Variants in CDHR3 observed in about 807,000 individuals in gnomAD.
CDHR3 encodes cadherin-related family member 3.
Under a neutral mutation model 86.6 loss-of-function variants are expected in CDHR3, and 79 were observed. The observed-to-expected ratio is 0.91, with a 90% confidence interval of 0.76 to 1.10. The LOEUF is 1.10. CDHR3 is among the 50% of genes least tolerant of loss of function. CDHR3 has a pLI of 0.00. For missense variants in CDHR3, 1,081 were observed against 1,077.6 expected, an observed-to-expected ratio of 1.00 and a Z score of -0.04; for synonymous variants, 421 against 402.4, an observed-to-expected ratio of 1.05 and a Z score of -0.55.
At chr7:105,986,362 T>C (rs762341596) in intron 4 of CDHR3, among the ~76,000 whole-genome samples, 4 of 152,146 alleles carry the variant, frequency 2.6e-5, no homozygotes, top group Non-Finnish European at 5.9e-5. Context: ...TATTAGATAC[T>C]TTGGAAACAG....
At position 105,984,284 on chromosome 7, in the gene CDHR3, C is replaced by T. The variant is rs1830211432; in HGVS notation, c.508C>T (p.Leu170Phe). The change falls in exon 4 of 19, where the codon CTC becomes TTC. Residue 170 changes from leucine (L) to phenylalanine (F), a missense_variant. Coordinates refer to ENST00000317716, the MANE Select transcript of CDHR3 (RefSeq NM_152750.5). ...DPEDTSRNIP[L>F]SYFLISPPKS... is the part of the protein sequence containing the mutation. The stretch of plus-strand genomic sequence containing the variant: ...AGAAGACACAAGCCGAAACATTCCC[C>T]TCAGTGTAAGTGTCCTTATATGGAA... The T allele has an allele frequency of 6.2e-7, 1 of 1,609,490 alleles. No individual in the cohort carries two copies. Among genetic ancestry groups the T allele is most frequent in the Admixed American group, 1.7e-5 (1 of 59,806 alleles).
intron 12 of CDHR3, among the ~76,000 whole-genome samples, chr7:106,019,389 T>C (rs1836188041): frequency 1.1e-5 from 1 of 88,976 alleles, no homozygotes; most frequent in African/African-American, 4.9e-5. Context: ...TGTTAGGCTG[T>C]TTTTTTTTTT....
intron 1 of CDHR3, among the ~76,000 whole-genome samples, chr7:105,973,716 C>T (rs1828331608): frequency 6.6e-6 from 1 of 152,190 alleles, no homozygotes; most frequent in South Asian, 2.1e-4. Flanking sequence ...CCTGTAATCC[C>T]AGTATTTTGG....
In CDHR3 at chr7:106,001,691, AC is replaced by A. The variant is rs1833206347; in HGVS notation, c.862+84del. 4.5e-6 allele frequency: 7 copies of A among 1,559,374 alleles called. No homozygotes were observed. The East Asian group carries it at 1.6e-4, about 35-fold the overall frequency. On this transcript the variant is annotated intron_variant, in intron 7 of 18. Coordinates refer to ENST00000317716, the MANE Select transcript of CDHR3 (RefSeq NM_152750.5). ...TCTTACAATGTAGTTGTCCCTCGTT[AC>A]CCATGAGAATTGGTTCTAGGATGCA... is the stretch of plus-strand genomic sequence containing the variant.
chr7:105,968,960 C>G (rs1041216099), intron 1 of CDHR3, among the ~76,000 whole-genome samples: 3 of 151,412 alleles, frequency 2.0e-5, no homozygotes, highest in African/African-American at 7.3e-5. Flanking sequence ...TGGTGGCGGG[C>G]ACCTGTAGTC....
chr7:105,979,123 A>G (rs1267254528), intron 2 of CDHR3, among the ~76,000 whole-genome samples: 1 of 152,198 alleles, frequency 6.6e-6, no homozygotes, highest in Non-Finnish European at 1.5e-5. Context: ...AGATTAGCTC[A>G]TCGAATCCTC....
chr7:106,006,438 G>A (rs1286539451), intron 8 of CDHR3, among the ~76,000 whole-genome samples: 1 of 152,190 alleles, frequency 6.6e-6, no homozygotes, highest in Non-Finnish European at 1.5e-5. Context: ...TTCTGCCTAT[G>A]AGCCTGTAAA....
At chr7:106,008,646 A>G (rs1316478766) in intron 8 of CDHR3, among the ~76,000 whole-genome samples, 1 of 152,216 alleles carries the variant, frequency 6.6e-6, no homozygotes, top group Non-Finnish European at 1.5e-5. Context: ...CTGCATGGGT[A>G]GTTAGGATTG....
intron 9 of CDHR3, among the ~76,000 whole-genome samples, chr7:106,013,526 G>A (rs182047998): frequency 6.6e-6 from 1 of 152,328 alleles, no homozygotes; most frequent in Admixed American, 6.5e-5. Context: ...AGCTGCATTG[G>A]AAGAAGGATG....
intron 14 of CDHR3, among the ~76,000 whole-genome samples, chr7:106,023,612 A>T (rs149293123): frequency 6.6e-6 from 1 of 152,168 alleles, no homozygotes; most frequent in Admixed American, 6.5e-5. Context: ...TACCTGCAGC[A>T]TGCCAGAAGG....
At chr7:105,971,085 G>A (rs897080868) in intron 1 of CDHR3, among the ~76,000 whole-genome samples, 1 of 150,860 alleles carries the variant, frequency 6.6e-6, no homozygotes, top group African/African-American at 2.4e-5. Context: ...AGCTTGCAGT[G>A]AGCCAAGATC....
chr7:106,020,917 C>T (rs1355689033), intron 13 of CDHR3, among the ~76,000 whole-genome samples: 4 of 152,226 alleles, frequency 2.6e-5, no homozygotes, highest in East Asian at 1.9e-4. Flanking sequence ...TGCCCAAAGG[C>T]CCAAGAAAAG....
chr7:105,978,592 A>C (rs939487437), intron 2 of CDHR3, among the ~76,000 whole-genome samples: 1 of 152,120 alleles, frequency 6.6e-6, no homozygotes, highest in Non-Finnish European at 1.5e-5. Context: ...TCTCCTAGCT[A>C]ATCTCCTTAA....
In CDHR3 at chr7:105,980,736, A is replaced by C. The variant is rs114331578; in HGVS notation, c.250-232A>C. On this transcript the variant is annotated intron_variant, in intron 2 of 18. Coordinates refer to ENST00000317716, the MANE Select transcript of CDHR3 (RefSeq NM_152750.5). The stretch of plus-strand genomic sequence containing the variant: ...AATTGCATCAGAAGGTCTCCTGACT[A>C]TTTTTCTTTCCTAGGAAACGCAGCA... 7.1e-3 allele frequency among the ~76,000 whole-genome samples: 1,065 copies of C among 150,706 alleles called. 11 individuals carry two copies. Among genetic ancestry groups the C allele is most frequent in the African/African-American group, 0.025 (1,013 of 40,910 alleles).
In CDHR3 at chr7:106,035,399, G is replaced by A. The variant is rs1325405505; in HGVS notation, c.*2702G>A. ...TTTTGTATATCCGGCTATTTGGTTC[G>A]GGGAAATCCAGAAGTCAAAGTGTCA... On this transcript the variant is annotated 3_prime_UTR_variant, in exon 19 of 19. Transcript: ENST00000317716. Among the ~76,000 whole-genome samples, 4 of 152,138 alleles carry A rather than the reference G, an allele frequency of 2.6e-5. No homozygotes were observed. The East Asian group carries it at 5.8e-4, about 22-fold the overall frequency.
At chr7:105,986,303 T>G (rs1256185993) in intron 4 of CDHR3, among the ~76,000 whole-genome samples, 1 of 152,204 alleles carries the variant, frequency 6.6e-6, no homozygotes, top group Non-Finnish European at 1.5e-5. Flanking sequence ...CACTTACATA[T>G]TTAGTTCATT....
At position 106,020,561 on chromosome 7, in the gene CDHR3, C is replaced by T. The variant is rs763949330; in HGVS notation, c.1825+17C>T. The T allele has an allele frequency of 1.7e-5, 27 of 1,604,546 alleles. No individual in the cohort carries two copies. Among genetic ancestry groups the T allele is most frequent in the Middle Eastern group, 1.7e-4 (1 of 6,024 alleles). ...TTGGCCCAGGTATAGTACTTGGTGT[C>T]GACAATCCTGGCCCTGTCTCTGAGG... On this transcript the variant is annotated intron_variant, in intron 13 of 18. Coordinates refer to ENST00000317716, the MANE Select transcript of CDHR3 (RefSeq NM_152750.5).
chr7:106,006,112 AG>A (rs1833910664), intron 8 of CDHR3, among the ~76,000 whole-genome samples: 1 of 152,196 alleles, frequency 6.6e-6, no homozygotes, highest in African/African-American at 2.4e-5. Flanking sequence ...GAGCTTGTGT[AG>A]GGAAACTCCT....
chr7:106,024,574 G>A lies in CDHR3; in HGVS notation c.2258+12G>A. 1 of 1,613,594 alleles carries A rather than the reference G, an allele frequency of 6.2e-7. No homozygotes were observed. The highest frequency in any genetic ancestry group is 8.5e-7 in the Non-Finnish European group (1 of 1,179,668). On this transcript the variant is annotated intron_variant, in intron 15 of 18. Coordinates refer to ENST00000317716, the MANE Select transcript of CDHR3 (RefSeq NM_152750.5). ...AACAAGGAACCTCTGTAAGTTGCCA[G>A]TGGGCTGGGCCCTCTTCCCCACCTC... is the stretch of plus-strand genomic sequence containing the variant.
Sources: allele counts gnomAD v4.1 joint callset (sites outside exome capture counted in the v4.1 genomes callset), GRCh38; gene constraint gnomAD v4.1.1; transcripts MANE v1.5; gene names NCBI Gene and HGNC (gene_info 2026-07-23, HGNC 2026-07-21).